The following TTLL5 variants were observed in gnomAD, a reference collection of about 807,000 sequenced individuals.
The protein encoded by TTLL5 is tubulin polyglutamylase TTLL5.
Under a neutral mutation model 168.4 loss-of-function variants are expected in TTLL5, and 132 were observed. The observed-to-expected ratio is 0.78, with a 90% CI of 0.68 to 0.91. The LOEUF (loss-of-function observed/expected upper bound fraction) is 0.91, where lower values mean the gene tolerates loss of function less well. Ranked by LOEUF, TTLL5 falls within the 40% of genes least tolerant of loss-of-function variation. The probability of loss-of-function intolerance (pLI) is 0.00; values close to 1 mark genes in which losing one functional copy is unlikely to be tolerated. For missense variants in TTLL5, 1,545 were observed against 1,581.5 expected, an observed-to-expected ratio of 0.98 and a Z score of 0.39; for synonymous variants, 546 against 558.6, an observed-to-expected ratio of 0.98 and a Z score of 0.32.
At chr14:75,850,164 T>C (rs959055377) in intron 28 of TTLL5, among the ~76,000 whole-genome samples, 1 of 151,550 alleles carries the variant, frequency 6.6e-6, no homozygotes, top group South Asian at 2.1e-4. Flanking sequence ...CCCAGCACTT[T>C]GGGAGGCCGA....
In TTLL5 at chr14:75,699,389, G is replaced by A. The variant is rs925205468; in HGVS notation, c.585+119G>A. The stretch of plus-strand genomic sequence containing the variant: ...GAGCAGGTGTGCTCTTCTTAAATCT[G>A]CATTCAGAAGTGAGTTAAGCGTAGG... On this transcript the variant is annotated intron_variant, in intron 7 of 31. Coordinates refer to ENST00000298832, the MANE Select transcript of TTLL5 (RefSeq NM_015072.5). The A allele has an allele frequency of 5.1e-5, 46 of 904,230 alleles. No individual in the cohort carries two copies. In the African/African-American group the frequency reaches 7.6e-4, roughly 15 times the overall value. 56.0% of individuals were successfully genotyped at this position (904,230 alleles called of 1,614,324 possible).
At chr14:75,763,368 G>A (rs1326393861) in intron 18 of TTLL5, among the ~76,000 whole-genome samples, 10 of 151,774 alleles carry the variant, frequency 6.6e-5, no homozygotes, top group Non-Finnish European at 1.2e-4. Flanking sequence ...CCCAGTGCCA[G>A]GACCTTCCTG....
chr14:75,680,545 T>G (rs1004910940), intron 3 of TTLL5, among the ~76,000 whole-genome samples: 1 of 152,144 alleles, frequency 6.6e-6, no homozygotes, highest in African/African-American at 2.4e-5. Context: ...GGGCTACCAG[T>G]TTCTAACCTC....
At chr14:75,707,548 G>T in intron 8 of TTLL5, 75 bp from the exon 9 acceptor site, 1 of 1,326,534 alleles carries the variant, frequency 7.5e-7, no homozygotes, top group Non-Finnish European at 1.0e-6. Context: ...ATGTTTCTTG[G>T]TTTCGTTGTT....
chr14:75,819,547 A>G (rs1033504971), intron 27 of TTLL5, among the ~76,000 whole-genome samples: 1 of 152,142 alleles, frequency 6.6e-6, no homozygotes, highest in African/African-American at 2.4e-5. Context: ...GTCCATGACT[A>G]TTTTTCTCCT....
Position 75,662,999 on chromosome 14 carries a change from T to C in TTLL5, c.-95-56T>C, listed in dbSNP as rs1170810979. 3 of 724,624 alleles carry C rather than the reference T, an allele frequency of 4.1e-6. No homozygotes were observed. The African/African-American group carries it at 5.2e-5, about 13-fold the overall frequency. 44.9% of individuals were successfully genotyped at this position (724,624 alleles called of 1,614,324 possible). On this transcript the variant is annotated intron_variant, in intron 1 of 31. Coordinates refer to ENST00000298832, the MANE Select transcript of TTLL5 (RefSeq NM_015072.5). ...TAGATTATCAGCAATAACCAATAAA[T>C]AGACAACTGCATTGTGTTTCAGGTC...
chr14:75,768,489 G>A (rs1031943864), intron 20 of TTLL5, among the ~76,000 whole-genome samples: 24 of 151,990 alleles, frequency 1.6e-4, no homozygotes, highest in African/African-American at 5.1e-4. Context: ...TAAAAGAAAC[G>A]GATTTTTTTT....
chr14:75,750,905 C>T (rs1386973207), intron 17 of TTLL5, among the ~76,000 whole-genome samples: 1 of 152,088 alleles, frequency 6.6e-6, no homozygotes, highest in Non-Finnish European at 1.5e-5. Context: ...CTTACCCTTC[C>T]TTTTGTGATG....
At chr14:75,907,207 C>T (rs116873809) in intron 31 of TTLL5, among the ~76,000 whole-genome samples, 2,322 of 152,242 alleles carry the variant, frequency 0.015, 27 homozygotes, top group Non-Finnish European at 0.025. Flanking sequence ...CTTAAATAAA[C>T]ATATGCTATA....
chr14:75,805,139 T>C (rs1366735610), intron 27 of TTLL5, among the ~76,000 whole-genome samples: 2 of 152,222 alleles, frequency 1.3e-5, no homozygotes, highest in African/African-American at 4.8e-5. Flanking sequence ...AGGCCACTCA[T>C]GACCTCAGAA....
chr14:75,707,187 T>G (rs917509757), intron 8 of TTLL5, 100 bp downstream of exon 8: 1 of 909,874 alleles, frequency 1.1e-6, no homozygotes, highest in Non-Finnish European at 1.8e-6. Flanking sequence ...TATACTGTTG[T>G]GAAATTCTTG....
intron 7 of TTLL5, among the ~76,000 whole-genome samples, chr14:75,705,684 C>T (rs1401272869): frequency 6.6e-6 from 1 of 152,172 alleles, no homozygotes; most frequent in Non-Finnish European, 1.5e-5. Context: ...GGCACATCCA[C>T]GTGTTTAGTA....
chr14:75,817,180 A>G (rs890572195), intron 27 of TTLL5, among the ~76,000 whole-genome samples: 1 of 151,134 alleles, frequency 6.6e-6, no homozygotes, highest in Non-Finnish European at 1.5e-5. Context: ...GGATTTCACC[A>G]TGTTGGCCAG....
At position 75,902,206 on chromosome 14, in the gene TTLL5, C is replaced by T. The variant is rs2032953555; in HGVS notation, c.3805C>T (p.Pro1269Ser). The stretch of plus-strand genomic sequence containing the variant: ...CAGCCTTAACCCTGCAGCCTTTGTG[C>T]CCATCACCAGCTCTACAGGTTAGTG... The part of the protein sequence containing the change: ...QSSLNPAAFV[P>S]ITSSTDPAHT... The change falls in exon 31 of 32, where the codon CCC becomes TCC. Residue 1269 changes from proline to serine, a missense_variant. Transcript: ENST00000298832. 1.2e-6 allele frequency: 2 copies of T among 1,614,136 alleles called. No individual in the cohort carries two copies. The highest frequency in any genetic ancestry group is 2.2e-5 in the East Asian group (1 of 44,884).
In TTLL5 at chr14:75,745,536, G is replaced by A. The variant is rs771482604; in HGVS notation, c.1442G>A (p.Gly481Glu). 8.1e-6 allele frequency: 13 copies of A among 1,613,692 alleles called. No homozygotes were observed. The South Asian group carries it at 1.3e-4, about 16-fold the overall frequency. ...AAGGAGGAGAATGATCGGCGAGGTG[G>A]ATTTATTCGCATATTTCCTACATCT... ...RVKEENDRRGGFIRIFPTSET... is the reference protein window; with the variant it reads ...RVKEENDRRGEFIRIFPTSET... Residue 481 changes from glycine (G) to glutamate (E), a missense_variant, in exon 17 of 32, where the codon GGA (glycine) becomes GAA (glutamate). Gly to Glu is a moderately conservative substitution (Grantham distance 98). Transcript: ENST00000298832.
chr14:75,829,379 A>G (rs139933325), intron 28 of TTLL5, among the ~76,000 whole-genome samples: 1,889 of 152,340 alleles, frequency 0.012, 15 homozygotes, highest in South Asian at 0.025. Flanking sequence ...CACATATGGT[A>G]TATAATGTAT....
At chr14:75,831,498 C>T (rs1895560409) in intron 28 of TTLL5, among the ~76,000 whole-genome samples, 1 of 152,124 alleles carries the variant, frequency 6.6e-6, no homozygotes, top group African/African-American at 2.4e-5. Flanking sequence ...CTCTACCCTC[C>T]CTCTACTGCC....
intron 19 of TTLL5, 32 bp from the exon 20 acceptor site, chr14:75,766,030 T>C (rs1890957045): frequency 1.3e-6 from 2 of 1,573,020 alleles, no homozygotes; most frequent in Non-Finnish European, 1.7e-6. Flanking sequence ...TTAATCCTTT[T>C]TTCAGCAACA....
intron 28 of TTLL5, among the ~76,000 whole-genome samples, chr14:75,844,264 A>G (rs139367776): frequency 7.6e-4 from 115 of 152,228 alleles, no homozygotes; most frequent in African/African-American, 2.2e-3. Context: ...TTCTTTGCCT[A>G]TGTATGTTCA....
Sources: gnomAD v4.1 joint callset for allele counts (sites outside exome capture counted in the v4.1 genomes callset) on GRCh38, gnomAD v4.1.1 for gene constraint, MANE v1.5 for transcripts, NCBI Gene and HGNC (gene_info 2026-07-23, HGNC 2026-07-21) for gene names.